The following STEAP3 variants were observed in gnomAD, a reference collection of about 807,000 sequenced individuals.
STEAP3 encodes the protein STEAP3 metalloreductase, also known as metalloreductase STEAP3.
STEAP3 carries 35 observed loss-of-function variants against 34.9 expected under a neutral mutation model. The ratio of observed to expected loss-of-function variants is 1.00; its 90% CI spans 0.76 to 1.33. The LOEUF (loss-of-function observed/expected upper bound fraction) is 1.33, where lower values mean the gene tolerates loss of function less well. Among genes scored for constraint, STEAP3 ranks in the 40% most tolerant of loss-of-function variants. The pLI is 0.00. For missense variants in STEAP3, 652 were observed against 667.6 expected (o/e 0.98, Z 0.26); for synonymous variants, 281 against 301.6 (o/e 0.93, Z 0.71).
At chr2:119,249,588 C>A (rs571987494) in intron 4 of STEAP3, among the ~76,000 whole-genome samples, 3 of 152,200 alleles carry the variant, frequency 2.0e-5, no homozygotes, top group East Asian at 3.9e-4. Context: ...AATGCAGGGA[C>A]CTTGGTGAGG....
intron 2 of STEAP3, 156 bp from the exon 3 acceptor site, chr2:119,245,333 G>A (rs1677377732): frequency 1.8e-6 from 2 of 1,087,734 alleles, no homozygotes; most frequent in Non-Finnish European, 2.6e-6. Context: ...GTTGTGTTCA[G>A]CTTGTTCCCC....
At chr2:119,257,688 G>A (rs1324029690) in intron 5 of STEAP3, 4 of 1,414,242 alleles carry the variant, frequency 2.8e-6, no homozygotes, top group Admixed American at 3.3e-5. Context: ...TGGCTTTTGA[G>A]GTAAGCTGCA....
chr2:119,229,972 A>G (rs758328636), intron 1 of STEAP3, among the ~76,000 whole-genome samples: 2 of 152,116 alleles, frequency 1.3e-5, no homozygotes, highest in Non-Finnish European at 2.9e-5. Context: ...GTCAGAGAAC[A>G]ATGAGGCCTT....
At chr2:119,227,940 C>G (rs1214827411) in intron 1 of STEAP3, among the ~76,000 whole-genome samples, 1 of 152,118 alleles carries the variant, frequency 6.6e-6, no homozygotes, top group African/African-American at 2.4e-5. Flanking sequence ...AGCAATTCTC[C>G]TGCTTCAGCC....
rs6753005 is a variant in STEAP3 at position 119,264,806 on chromosome 2, C to A, written c.*1468C>A. On this transcript the variant is annotated 3_prime_UTR_variant, in exon 6 of 6. Transcript: ENST00000393110. ...TGTCACAGATGAGGCTGCCCCTGCC[C>A]CCCCCCCGCCAGGGAGGTTTCATGA... is the stretch of plus-strand genomic sequence containing the variant. The A allele has an allele frequency of 0.31, 44,673 of 142,640 alleles. 7,911 individuals are homozygous for A. The highest frequency in any genetic ancestry group is 0.64 in the East Asian group (3,280 of 5,096). 8.8% of individuals were successfully genotyped at this position (142,640 alleles called of 1,614,324 possible). A position where few individuals can be genotyped will look rare whatever the true frequency, so the allele number is the denominator to read the frequency against.
chr2:119,251,668 T>C (rs775542645), intron 4 of STEAP3, among the ~76,000 whole-genome samples: 7 of 152,134 alleles, frequency 4.6e-5, no homozygotes, highest in Non-Finnish European at 8.8e-5. Context: ...GTCCTTGGGA[T>C]AATGGTAGAA....
chr2:119,233,405 G>C (rs1362033038), intron 2 of STEAP3, among the ~76,000 whole-genome samples: 1 of 152,166 alleles, frequency 6.6e-6, no homozygotes, highest in Non-Finnish European at 1.5e-5. Context: ...CGAAATGCTT[G>C]GCCAGGTCTA....
chr2:119,249,723 G>C (rs372940282), intron 4 of STEAP3, among the ~76,000 whole-genome samples: 3 of 152,158 alleles, frequency 2.0e-5, no homozygotes, highest in African/African-American at 7.2e-5. Flanking sequence ...TCACTGTCAG[G>C]GTTGCTGCTT....
At chr2:119,227,410 A>G (rs536116252) in intron 1 of STEAP3, among the ~76,000 whole-genome samples, 48 of 152,276 alleles carry the variant, frequency 3.2e-4, no homozygotes, top group Admixed American at 5.9e-4. Context: ...TTGCTTCAGC[A>G]CCGTAAGAAC....
At position 119,231,659 on chromosome 2, in the gene STEAP3, C is replaced by T. The variant is rs1399329548; in HGVS notation, c.22+625C>T. Among the ~76,000 whole-genome samples, 3 of 152,066 alleles carry T rather than the reference C, an allele frequency of 2.0e-5. No homozygotes were observed. The East Asian group carries it at 5.8e-4, about 29-fold the overall frequency. ...GCACGTGTATTTCTGCGGGGATTGG[C>T]TCGAGTGTGCTTGAGTTTTCTGTAT... On this transcript the variant is annotated intron_variant, in intron 2 of 5. Transcript: ENST00000393110.
intron 4 of STEAP3, among the ~76,000 whole-genome samples, chr2:119,253,089 G>A (rs11888609): frequency 0.012 from 1,873 of 152,270 alleles, 43 homozygotes; most frequent in South Asian, 0.069. Flanking sequence ...CCCTCTGCAC[G>A]CCTTTCCAGC....
At position 119,230,807 on chromosome 2, in the gene STEAP3, TC is replaced by T; in HGVS notation, c.-204del. ...ACCAAGCATCAGTCACCACTCCCGG[TC>T]CAGCCCCTGTGGCCAAGAGCTGGCG... On this transcript the variant is annotated 5_prime_UTR_variant, in exon 2 of 6. Transcript: ENST00000393110. 1.5e-6 allele frequency: 1 copy of T among 653,026 alleles called. No homozygotes were observed. Among genetic ancestry groups the T allele is most frequent in the East Asian group, 2.7e-5 (1 of 36,494 alleles). The allele number at this position is 653,026 out of a possible 1,614,324, so 40.5% of individuals were successfully genotyped here.
chr2:119,261,499 A>G (rs1366218322), intron 5 of STEAP3, among the ~76,000 whole-genome samples: 1 of 151,652 alleles, frequency 6.6e-6, no homozygotes, highest in Non-Finnish European at 1.5e-5. Context: ...AGCAGAATTC[A>G]GTCAGAGCAC....
At chr2:119,229,619 A>G (rs186292339) in intron 1 of STEAP3, among the ~76,000 whole-genome samples, 81 of 152,358 alleles carry the variant, frequency 5.3e-4, no homozygotes, top group African/African-American at 1.9e-3. Flanking sequence ...CTGTCCAGCT[A>G]GGTCCCCCAA....
chr2:119,232,006 G>T (rs1309137426), intron 2 of STEAP3, among the ~76,000 whole-genome samples: 2 of 152,138 alleles, frequency 1.3e-5, no homozygotes, highest in Non-Finnish European at 2.9e-5. Flanking sequence ...GGCCCAGTAA[G>T]AATGAAGCCT....
chr2:119,230,126 G>A (rs1207831696), intron 1 of STEAP3, among the ~76,000 whole-genome samples: 1 of 152,180 alleles, frequency 6.6e-6, no homozygotes, highest in Non-Finnish European at 1.5e-5. Flanking sequence ...AGATCGCTAG[G>A]TTCCAAACAA....
intron 5 of STEAP3, among the ~76,000 whole-genome samples, chr2:119,255,853 C>T (rs1337125947): frequency 6.6e-6 from 1 of 152,158 alleles, no homozygotes; most frequent in Non-Finnish European, 1.5e-5. Flanking sequence ...GCACTTACTG[C>T]AGGCCAGGCA....
Position 119,263,627 on chromosome 2 carries a change from C to T in STEAP3, c.*289C>T, listed in dbSNP as rs866784432. On this transcript the variant is annotated 3_prime_UTR_variant, in exon 6 of 6. Coordinates refer to ENST00000393110, the MANE Select transcript of STEAP3 (RefSeq NM_182915.3). ...AACTTGTAGATTTAAAAACAAGTGC[C>T]GTACGTTAAGAGAAGAGCAGATCAT... 9 of 500,838 alleles carry T rather than the reference C, an allele frequency of 1.8e-5. No homozygotes were observed. Among genetic ancestry groups the T allele is most frequent in the African/African-American group, 5.8e-5 (3 of 51,556 alleles). The allele number at this position is 500,838 out of a possible 1,614,324, so 31.0% of individuals were successfully genotyped here.
chr2:119,246,576 TG>T (rs1288809156), intron 3 of STEAP3: 1 of 155,446 alleles, frequency 6.4e-6, no homozygotes, highest in African/African-American at 2.4e-5. Flanking sequence ...TGCATTTTCT[TG>T]GCGAAAGAAT....
Sources: gnomAD v4.1 joint callset for allele counts (sites outside exome capture counted in the v4.1 genomes callset) on GRCh38, gnomAD v4.1.1 for gene constraint, MANE v1.5 for transcripts, NCBI Gene and HGNC (gene_info 2026-07-23, HGNC 2026-07-21) for gene names.